SV2C: variants seen among roughly 807,000 people sequenced by gnomAD.
SV2C encodes the protein synaptic vesicle glycoprotein 2C, also known as solute carrier family 22 member B3.
A neutral mutation model predicts 79.7 loss-of-function variants in SV2C; 49 were observed. That is an observed-to-expected ratio of 0.61 (90% CI 0.49 to 0.78). The LOEUF (loss-of-function observed/expected upper bound fraction) is 0.78, where lower values mean the gene tolerates loss of function less well. SV2C is among the 30% of genes least tolerant of loss of function. SV2C has a pLI of 0.00. For synonymous variants in SV2C, 334 were observed against 333.2 expected, an observed-to-expected ratio of 1.00 and a Z score of -0.03; for missense variants, 833 against 912.9, an observed-to-expected ratio of 0.91 and a Z score of 1.13.
At chr5:76,209,688 T>C (rs13177761) in intron 3 of SV2C, 48 bp from the exon 4 acceptor site, 1 of 1,561,474 alleles carries the variant, frequency 6.4e-7, no homozygotes, top group South Asian at 1.2e-5. Flanking sequence ...GCGTCTCACA[T>C]GAGCTGTCCA....
intron 1 of SV2C, among the ~76,000 whole-genome samples, chr5:76,131,076 T>C (rs538688245): frequency 2.0e-5 from 3 of 152,288 alleles, no homozygotes; most frequent in African/African-American, 7.2e-5. Context: ...TGGGGTGCCA[T>C]GTGAGTCTCT....
At position 76,301,550 on chromosome 5, in the gene SV2C, G is replaced by A. The variant is rs1482171721; in HGVS notation, c.2000+5G>A. The A allele has an allele frequency of 1.2e-6, 2 of 1,611,176 alleles. No homozygotes were observed. The highest frequency in any genetic ancestry group is 2.2e-5 in the South Asian group (2 of 90,666). ...ACTGTACCCCACAGACCGGAGGTAT[G>A]TTGAAATGGGCCTCTAGTAAGAGGC... is the stretch of plus-strand genomic sequence containing the variant. On this transcript the variant is annotated splice_donor_5th_base_variant and intron_variant, in intron 12 of 12. Transcript: ENST00000502798.
chr5:76,136,530 T>G (rs1749075447), intron 2 of SV2C, among the ~76,000 whole-genome samples: 1 of 99,314 alleles, frequency 1.0e-5, no homozygotes, highest in East Asian at 5.2e-4. Flanking sequence ...GTGCTTTATG[T>G]TTTTTTTTTT....
intron 4 of SV2C, among the ~76,000 whole-genome samples, chr5:76,220,420 CCAG>C (rs1185481962): frequency 1.3e-5 from 2 of 151,894 alleles, no homozygotes; most frequent in Non-Finnish European, 2.9e-5. Context: ...GCCTGTAATC[CCAG>C]CACTTTGGGA....
the SV2C span, among the ~76,000 whole-genome samples, chr5:75,983,742 C>T: frequency 1.3e-3 from 191 of 152,146 alleles, no homozygotes; most frequent in African/African-American, 4.1e-3. Context: ...CTTGTATCTG[C>T]GCCCTGTGCC....
chr5:75,936,516 G>A, the SV2C span, among the ~76,000 whole-genome samples: 1 of 152,164 alleles, frequency 6.6e-6, no homozygotes, highest in Non-Finnish European at 1.5e-5. Flanking sequence ...GGCTACTAAA[G>A]TGCAGCCAAT....
chr5:75,882,070 C>G, the SV2C span, among the ~76,000 whole-genome samples: 1 of 150,238 alleles, frequency 6.7e-6, no homozygotes, highest in African/African-American at 2.5e-5. Flanking sequence ...TGGTTTTTGT[C>G]ATTGGTTCTG....
rs755581046 is a variant in SV2C, at chr5:76,295,798, G to T, written c.1358G>T (p.Trp453Leu). The change falls in exon 9 of 13, where the codon TGG (tryptophan) becomes TTG (leucine). Residue 453 changes from tryptophan to leucine, a missense_variant. Physicochemically the swap from Trp to Leu is moderately conservative, Grantham distance 61 (BLOSUM62 -2). Transcript: ENST00000502798. ...TGCAGGTACTATGGATTATCCGTTT[G>T]GTTCCCTGATGTCATTAAACCTCTG... ...LSFGYYGLSV[W>L]FPDVIKPLQS... 1 of 1,610,596 alleles carries T rather than the reference G, an allele frequency of 6.2e-7. No individual in the cohort carries two copies. The highest frequency in any genetic ancestry group is 1.3e-5 in the African/African-American group (1 of 74,630).
the SV2C span, among the ~76,000 whole-genome samples, chr5:76,053,364 G>A: frequency 3.4e-5 from 5 of 147,172 alleles, no homozygotes; most frequent in African/African-American, 1.0e-4. Flanking sequence ...AGTCCAGAAC[G>A]TGTGAGCCAT....
At chr5:76,349,592 ATGAC>A (rs1339869038) in intron 12 of SV2C, among the ~76,000 whole-genome samples, 1 of 152,200 alleles carries the variant, frequency 6.6e-6, no homozygotes, top group Non-Finnish European at 1.5e-5. Flanking sequence ...TTGTCAGAAA[ATGAC>A]TGACTAGAAA....
At chr5:76,350,930 C>T (rs1749630551) in intron 12 of SV2C, among the ~76,000 whole-genome samples, 1 of 151,582 alleles carries the variant, frequency 6.6e-6, no homozygotes, top group South Asian at 2.1e-4. Context: ...ATGAGAATCG[C>T]TTGAACCCGG....
At chr5:76,050,325 A>G in the SV2C span, among the ~76,000 whole-genome samples, 34 of 152,314 alleles carry the variant, frequency 2.2e-4, no homozygotes, top group African/African-American at 8.2e-4. Flanking sequence ...CAGGGAGGTT[A>G]AAGAGAAGTA....
chr5:76,238,160 T>C (rs1745674009), intron 4 of SV2C, among the ~76,000 whole-genome samples: 1 of 152,150 alleles, frequency 6.6e-6, no homozygotes, highest in African/African-American at 2.4e-5. Flanking sequence ...CATTTTCTAA[T>C]ATTTTGATCT....
the SV2C span, among the ~76,000 whole-genome samples, chr5:76,013,079 G>C: frequency 6.6e-5 from 10 of 152,236 alleles, no homozygotes; most frequent in Admixed American, 1.3e-4. Flanking sequence ...GATTGCCTTG[G>C]CTATACGGGC....
At chr5:76,092,582 C>A (rs1747413213) in intron 1 of SV2C, among the ~76,000 whole-genome samples, 1 of 152,168 alleles carries the variant, frequency 6.6e-6, no homozygotes, top group Admixed American at 6.6e-5. Flanking sequence ...TTCCTCCACC[C>A]CCATCCTCAA....
chr5:76,061,799 C>T, the SV2C span, among the ~76,000 whole-genome samples: 1 of 152,044 alleles, frequency 6.6e-6, no homozygotes, highest in Non-Finnish European at 1.5e-5. Context: ...CTACTGTGTT[C>T]ATTCATTTGA....
chr5:76,210,736 G>T (rs1463466702), intron 4 of SV2C, among the ~76,000 whole-genome samples: 3 of 152,174 alleles, frequency 2.0e-5, no homozygotes, highest in Non-Finnish European at 4.4e-5. Flanking sequence ...TATGATCATG[G>T]CTTGGTCTTT....
Position 76,326,001 on chromosome 5 carries a change from T to C in SV2C, c.*454T>C, listed in dbSNP as rs1580075825. 1 of 151,592 alleles carries C rather than the reference T, an allele frequency of 6.6e-6. No individual in the cohort carries two copies. The highest frequency in any genetic ancestry group is 1.4e-5 in the Non-Finnish European group (1 of 69,224). The allele number at this position is 151,592 out of a possible 1,614,324, so 9.4% of individuals were successfully genotyped here. ...CTTTTTTTTTTTTTTTCTAACAGAG[T>C]GATATTTCCTGTTTACTTAGAAAAG... is the stretch of plus-strand genomic sequence containing the variant. On this transcript the variant is annotated 3_prime_UTR_variant, in exon 13 of 13. Coordinates refer to ENST00000502798, the MANE Select transcript of SV2C (RefSeq NM_014979.4).
chr5:76,235,321 C>A (rs1745578668), intron 4 of SV2C, among the ~76,000 whole-genome samples: 1 of 152,032 alleles, frequency 6.6e-6, no homozygotes, highest in Admixed American at 6.6e-5. Context: ...GTAAATGAGG[C>A]CCCGTTAGAT....
Sources: allele counts gnomAD v4.1 joint callset (sites outside exome capture counted in the v4.1 genomes callset), GRCh38; gene constraint gnomAD v4.1.1; transcripts MANE v1.5; gene names NCBI Gene and HGNC (gene_info 2026-07-23, HGNC 2026-07-21).